The following GDPD4 variants were observed in gnomAD, a reference collection of about 807,000 sequenced individuals.
GDPD4 encodes the protein glycerophosphodiester phosphodiesterase domain containing 4.
In GDPD4, 60 loss-of-function variants were observed where a neutral mutation model predicts 67.8. That is an observed-to-expected ratio of 0.88 (90% CI 0.72 to 1.10). The LOEUF (loss-of-function observed/expected upper bound fraction) is 1.10. Among genes scored for constraint, GDPD4 ranks in the 50% least tolerant of loss-of-function variants. GDPD4 has a pLI of 0.00. For missense variants in GDPD4, 623 were observed against 613.9 expected (o/e 1.01, Z -0.16); for synonymous variants, 212 against 210.9 (o/e 1.00, Z -0.04).
At chr11:77,267,333 A>T (rs1664804369) in intron 10 of GDPD4, among the ~76,000 whole-genome samples, 1 of 152,204 alleles carries the variant, frequency 6.6e-6, no homozygotes, top group African/African-American at 2.4e-5. Flanking sequence ...CATTTCTCAG[A>T]ACGTATGCTC....
chr11:77,268,393 G>T, intron 10 of GDPD4, 64 bp downstream of exon 10: 1 of 1,106,650 alleles, frequency 9.0e-7, no homozygotes, highest in Non-Finnish European at 1.4e-6. Context: ...AGGCCAGGCT[G>T]GTTCTCTTGC....
At chr11:77,295,809 T>C (rs1404375266) in intron 1 of GDPD4, among the ~76,000 whole-genome samples, 4 of 152,184 alleles carry the variant, frequency 2.6e-5, no homozygotes, top group African/African-American at 4.8e-5. Flanking sequence ...CAAAAGACAT[T>C]CCTAAGAAGT....
At chr11:77,260,615 C>T (rs1230421717) in intron 10 of GDPD4, among the ~76,000 whole-genome samples, 1 of 151,918 alleles carries the variant, frequency 6.6e-6, no homozygotes, top group African/African-American at 2.4e-5. Flanking sequence ...AAAGAGATGA[C>T]AGAATTCATA....
intron 5 of GDPD4, among the ~76,000 whole-genome samples, chr11:77,274,862 TAGAGTG>T (rs1959381200): frequency 6.6e-6 from 1 of 152,070 alleles, no homozygotes; most frequent in Admixed American, 6.5e-5. Flanking sequence ...AAGTAGAGAA[TAGAGTG>T]ATAGTTACCA....
chr11:77,269,825 A>T, intron 8 of GDPD4, 58 bp downstream of exon 8: 1 of 916,430 alleles, frequency 1.1e-6, no homozygotes, highest in South Asian at 1.5e-5. Context: ...CCATTTGTAC[A>T]TTTTCAAGTT....
chr11:77,227,827 A>G, intron 16 of GDPD4, 37 bp downstream of exon 16: 1 of 1,432,830 alleles, frequency 7.0e-7, no homozygotes, highest in Non-Finnish European at 9.6e-7. Context: ...ATGGGTAGGG[A>G]TGAAGAGACA....
chr11:77,301,163 C>G (rs1047914135), intron 1 of GDPD4, among the ~76,000 whole-genome samples: 1 of 152,090 alleles, frequency 6.6e-6, no homozygotes, highest in Non-Finnish European at 1.5e-5. Flanking sequence ...CTCATATATC[C>G]GACAGGCTAC....
intron 13 of GDPD4, among the ~76,000 whole-genome samples, chr11:77,240,912 G>A (rs1380427187): frequency 1.3e-5 from 2 of 152,126 alleles, no homozygotes; most frequent in African/African-American, 4.8e-5. Flanking sequence ...TTACAAAAAA[G>A]ATGAGAGATA....
intron 4 of GDPD4, among the ~76,000 whole-genome samples, chr11:77,277,858 C>T (rs1405200319): frequency 1.3e-5 from 2 of 151,630 alleles, no homozygotes; most frequent in African/African-American, 2.4e-5. Context: ...TTCCTGCTTT[C>T]TCTTGTGGAC....
chr11:77,225,724 G>C (rs767998031), intron 16 of GDPD4, among the ~76,000 whole-genome samples: 1 of 152,192 alleles, frequency 6.6e-6, no homozygotes, highest in Non-Finnish European at 1.5e-5. Flanking sequence ...ACACTAGAGA[G>C]AGGCCTTCTG....
At chr11:77,221,786 T>TTA (rs1958229987) in intron 16 of GDPD4, among the ~76,000 whole-genome samples, 1 of 151,826 alleles carries the variant, frequency 6.6e-6, no homozygotes, top group South Asian at 2.1e-4. Flanking sequence ...CTGGATATCC[T>TTA]TGTTAACCTT....
chr11:77,223,732 G>A (rs552376601), intron 16 of GDPD4, among the ~76,000 whole-genome samples: 2 of 147,022 alleles, frequency 1.4e-5, no homozygotes, highest in South Asian at 4.1e-4. Context: ...CTTCAGAGCT[G>A]TCAGACAGGG....
intron 1 of GDPD4, among the ~76,000 whole-genome samples, chr11:77,297,504 C>T (rs1336902799): frequency 1.3e-5 from 2 of 150,652 alleles, no homozygotes; most frequent in Non-Finnish European, 3.0e-5. Context: ...CCACTGCACT[C>T]CAGCCTGGAC....
intron 11 of GDPD4, among the ~76,000 whole-genome samples, chr11:77,251,085 T>A (rs1958886655): frequency 6.6e-6 from 1 of 152,228 alleles, no homozygotes; most frequent in South Asian, 2.1e-4. Flanking sequence ...TTGAGTCATT[T>A]CCTTTATTCA....
chr11:77,292,702 T>G (rs192016822), intron 1 of GDPD4, among the ~76,000 whole-genome samples: 68 of 152,222 alleles, frequency 4.5e-4, no homozygotes, highest in Non-Finnish European at 7.9e-4. Context: ...CCAACCAGGA[T>G]CATTAAGGAG....
rs779125944 is a variant in GDPD4, at chr11:77,245,360, G to GGA, written c.1005_1006dup (p.Pro336LeufsTer15). 2.5e-6 allele frequency: 4 copies of GGA among 1,614,178 alleles called. No individual in the cohort carries two copies. The East Asian group carries it at 8.9e-5, about 36-fold the overall frequency. ...TGTGTGTCTGAGAGGATGTTTTGGT[G>GGA]GAGGGCGATGAAGATCAAATATCAC... On this transcript the variant is annotated frameshift_variant, in exon 12 of 17. Transcript: ENST00000315938. LOFTEE classifies it high-confidence loss of function.
chr11:77,226,872 A>G (rs565672923), intron 16 of GDPD4, among the ~76,000 whole-genome samples: 2 of 152,298 alleles, frequency 1.3e-5, no homozygotes, highest in African/African-American at 4.8e-5. Flanking sequence ...TCAAATTTCT[A>G]AACTTAGTTT....
chr11:77,262,088 G>C (rs1049440883), intron 10 of GDPD4, among the ~76,000 whole-genome samples: 2 of 152,144 alleles, frequency 1.3e-5, no homozygotes, highest in African/African-American at 4.8e-5. Context: ...TAAGGGAATG[G>C]GAAACTGGTT....
At chr11:77,262,574 T>C (rs963950221) in intron 10 of GDPD4, among the ~76,000 whole-genome samples, 1 of 152,176 alleles carries the variant, frequency 6.6e-6, no homozygotes, top group East Asian at 1.9e-4. Flanking sequence ...TGTTTAAGAA[T>C]TGCTTAAGAT....
Sources: gnomAD v4.1 joint callset for allele counts (sites outside exome capture counted in the v4.1 genomes callset) on GRCh38, gnomAD v4.1.1 for gene constraint, MANE v1.5 for transcripts, NCBI Gene and HGNC (gene_info 2026-07-23, HGNC 2026-07-21) for gene names.